Variants in FANCD2 observed in about 807,000 individuals in gnomAD.
FANCD2 encodes the protein Fanconi anemia group D2 protein.
A neutral mutation model predicts 192.3 loss-of-function variants in FANCD2; 131 were observed. The observed-to-expected ratio is 0.68, with a 90% CI of 0.59 to 0.79. FANCD2 has a LOEUF of 0.79. Ranked by LOEUF, FANCD2 falls within the 30% of genes least tolerant of loss-of-function variation. The pLI, the probability that FANCD2 is intolerant of heterozygous loss-of-function variation, is 0.00. For missense variants in FANCD2, 1,508 were observed against 1,701.6 expected (o/e 0.89, Z 2.00); for synonymous variants, 524 against 612.5 (o/e 0.86, Z 2.13).
rs1416488211 is a variant in FANCD2, at chr3:10,081,669, A to G, written c.3224+205A>G. 3 of 598,838 alleles carry G rather than the reference A, an allele frequency of 5.0e-6. No homozygotes were observed. The Admixed American group carries it at 8.2e-5, about 16-fold the overall frequency. The allele number at this position is 598,838 out of a possible 1,614,324, so 37.1% of individuals were successfully genotyped here. A position where few individuals can be genotyped will look rare whatever the true frequency, so the allele number is the denominator to read the frequency against. On this transcript the variant is annotated intron_variant, in intron 32 of 43. Coordinates refer to ENST00000675286, the MANE Select transcript of FANCD2 (RefSeq NM_001018115.3). ...TCCTTTGGAGCCACTATGTTAACCC[A>G]TTTGACAGATTAGGTGACTTGCTGA... is the stretch of plus-strand genomic sequence containing the variant.
chr3:10,076,543 G>A (rs1025004082), intron 29 of FANCD2, among the ~76,000 whole-genome samples: 2 of 151,888 alleles, frequency 1.3e-5, no homozygotes, highest in African/African-American at 4.8e-5. Context: ...TTCCTCCCTT[G>A]CCTCTTTTTT....
intron 20 of FANCD2, 126 bp from the exon 21 acceptor site, chr3:10,063,666 C>T: frequency 1.6e-6 from 2 of 1,270,848 alleles, no homozygotes; most frequent in Admixed American, 1.7e-5. Context: ...TTCAGGAAAA[C>T]TTCAAGTGAG....
chr3:10,042,483 T>G, intron 10 of FANCD2, 76 bp from the exon 11 acceptor site: 1 of 1,176,922 alleles, frequency 8.5e-7, no homozygotes, highest in South Asian at 1.2e-5. Flanking sequence ...TTTTTTCTAA[T>G]TTTATCTAAC....
chr3:10,045,650 C>T (rs1343043453), intron 14 of FANCD2: 4 of 141,108 alleles, frequency 2.8e-5, no homozygotes, highest in East Asian at 4.2e-4. Context: ...CACCTAGGCT[C>T]GAGTGCAGTG....
intron 14 of FANCD2, chr3:10,046,299 C>A (rs1324146836): frequency 1.1e-5 from 4 of 376,988 alleles, no homozygotes; most frequent in South Asian, 4.4e-5. Flanking sequence ...GTGATCTGCC[C>A]GCCTTGGCCT....
intron 26 of FANCD2, among the ~76,000 whole-genome samples, chr3:10,069,672 C>T (rs996506643): frequency 2.0e-5 from 3 of 152,066 alleles, no homozygotes; most frequent in South Asian, 2.1e-4. Context: ...CTGTGTTGGC[C>T]GGGCCGGTCT....
intron 26 of FANCD2, among the ~76,000 whole-genome samples, chr3:10,068,165 A>G (rs901136431): frequency 1.3e-5 from 2 of 152,182 alleles, no homozygotes; most frequent in Non-Finnish European, 2.9e-5. Context: ...AGAGAAAGAA[A>G]GAAAGGGCAT....
chr3:10,091,152 C>T (rs1015543278), intron 37 of FANCD2, among the ~76,000 whole-genome samples: 2 of 148,720 alleles, frequency 1.3e-5, no homozygotes, highest in African/African-American at 4.9e-5. Flanking sequence ...GCAAACTTGG[C>T]TCACTGCAGC....
At chr3:10,081,044 A>T in intron 30 of FANCD2, 56 bp from the exon 31 acceptor site, 1 of 1,609,200 alleles carries the variant, frequency 6.2e-7, no homozygotes, top group Non-Finnish European at 8.5e-7. Flanking sequence ...GCGAACCCTT[A>T]GTTTCTGAGA....
chr3:10,089,552 C>T (rs759878503), intron 36 of FANCD2, among the ~76,000 whole-genome samples: 5 of 152,128 alleles, frequency 3.3e-5, no homozygotes, highest in Non-Finnish European at 5.9e-5. Flanking sequence ...TCACTGCAAC[C>T]TCCACCTCCT....
chr3:10,038,635 C>T (rs904954688), intron 7 of FANCD2, among the ~76,000 whole-genome samples: 11 of 143,696 alleles, frequency 7.7e-5, no homozygotes, highest in African/African-American at 2.7e-4. Flanking sequence ...GGCTGGAGTG[C>T]AGTGGCACGA....
intron 26 of FANCD2, among the ~76,000 whole-genome samples, chr3:10,070,604 G>A (rs1269519823): frequency 3.4e-5 from 5 of 146,416 alleles, no homozygotes; most frequent in Non-Finnish European, 7.6e-5. Context: ...CCCTCTGCCC[G>A]GCCACCACCC....
At chr3:10,092,037 T>C (rs1694642351) in intron 37 of FANCD2, 144 bp from the exon 38 acceptor site, 1 of 774,562 alleles carries the variant, frequency 1.3e-6, no homozygotes, top group Non-Finnish European at 2.4e-6. Context: ...AACCATCTTG[T>C]GGATGCACTG....
intron 41 of FANCD2, among the ~76,000 whole-genome samples, chr3:10,095,951 T>C (rs1270347194): frequency 6.6e-6 from 1 of 151,456 alleles, no homozygotes; most frequent in Admixed American, 6.6e-5. Context: ...GCACAATCTC[T>C]GCTCACTGCA....
At chr3:10,078,911 T>C (rs1693678047) in intron 30 of FANCD2, among the ~76,000 whole-genome samples, 2 of 150,562 alleles carry the variant, frequency 1.3e-5, no homozygotes, top group Non-Finnish European at 3.0e-5. Context: ...ATTGCACCAG[T>C]GCACTCCAGT....
At chr3:10,075,940 C>T (rs921010250) in intron 29 of FANCD2, among the ~76,000 whole-genome samples, 1 of 151,746 alleles carries the variant, frequency 6.6e-6, no homozygotes, top group Admixed American at 6.6e-5. Flanking sequence ...CCGTTGTTAG[C>T]CAGGATGGTC....
chr3:10,097,601 T>TG (rs1695050227), intron 42 of FANCD2, among the ~76,000 whole-genome samples: 1 of 152,220 alleles, frequency 6.6e-6, no homozygotes, highest in Non-Finnish European at 1.5e-5. Flanking sequence ...TACCCTGTTG[T>TG]TTTTTCAGGG....
At chr3:10,047,193 G>C (rs111469552) in intron 15 of FANCD2, among the ~76,000 whole-genome samples, 225 of 152,324 alleles carry the variant, frequency 1.5e-3, no homozygotes, top group Non-Finnish European at 2.5e-3. Context: ...AGAATACCTC[G>C]CTGGGTCTTA....
chr3:10,057,903 A>C (rs1430228761), intron 18 of FANCD2: 1 of 207,266 alleles, frequency 4.8e-6, no homozygotes, highest in Non-Finnish European at 1.0e-5. Flanking sequence ...TATGAGATCT[A>C]TTAAAGTATG....
Sources: gnomAD v4.1 joint callset for allele counts (sites outside exome capture counted in the v4.1 genomes callset) on GRCh38, gnomAD v4.1.1 for gene constraint, MANE v1.5 for transcripts, NCBI Gene and HGNC (gene_info 2026-07-23, HGNC 2026-07-21) for gene names.